Variants in KIAA0825 observed in about 807,000 individuals in gnomAD.
The protein encoded by KIAA0825 is uncharacterized protein KIAA0825.
In KIAA0825, 119 loss-of-function variants were observed where a neutral mutation model predicts 147.6. That is an observed-to-expected ratio of 0.81 (90% confidence interval 0.69 to 0.94). KIAA0825 has a LOEUF of 0.94. Ranked by LOEUF, KIAA0825 falls within the 40% of genes least tolerant of loss-of-function variation. The pLI, the probability that KIAA0825 is intolerant of heterozygous loss-of-function variation, is 0.00. For synonymous variants in KIAA0825, 470 were observed against 518.1 expected (o/e 0.91, Z 1.26); for missense variants, 1,381 against 1,472.7 (o/e 0.94, Z 1.02).
At chr5:94,369,791 A>C (rs1562426052) in intron 20 of KIAA0825, among the ~76,000 whole-genome samples, 1 of 152,192 alleles carries the variant, frequency 6.6e-6, no homozygotes, top group Non-Finnish European at 1.5e-5. Flanking sequence ...GGAAGAAGTC[A>C]CTAAGAGCAT....
chr5:94,216,073 T>G (rs1382512110), intron 20 of KIAA0825, among the ~76,000 whole-genome samples: 1 of 152,152 alleles, frequency 6.6e-6, no homozygotes, highest in African/African-American at 2.4e-5. Context: ...CTAGGGAAGA[T>G]AAGCCAACTC....
At chr5:94,154,180 C>G (rs1766817319) in intron 20 of KIAA0825, 56 bp from the exon 21 acceptor site, 6 of 1,062,138 alleles carry the variant, frequency 5.6e-6, no homozygotes, top group Non-Finnish European at 8.5e-6. Context: ...CAGGTCAACA[C>G]TCAGTTAATC....
intron 5 of KIAA0825, among the ~76,000 whole-genome samples, chr5:94,500,242 A>G (rs1764902952): frequency 6.6e-6 from 1 of 152,196 alleles, no homozygotes; most frequent in Non-Finnish European, 1.5e-5. Flanking sequence ...ATAGGGGAGT[A>G]AAGTGTACTT....
At chr5:94,365,761 C>G (rs1158408137) in intron 20 of KIAA0825, among the ~76,000 whole-genome samples, 1 of 152,224 alleles carries the variant, frequency 6.6e-6, no homozygotes. Context: ...AAACAACCCC[C>G]CTTCCTGCCT....
intron 20 of KIAA0825, among the ~76,000 whole-genome samples, chr5:94,209,643 C>T (rs748296501): frequency 6.6e-6 from 1 of 152,042 alleles, no homozygotes; most frequent in Admixed American, 6.6e-5. Flanking sequence ...CCTTTCTTTA[C>T]CTGTTTATAA....
chr5:94,363,072 T>G (rs1017256780), intron 20 of KIAA0825, among the ~76,000 whole-genome samples: 3 of 152,124 alleles, frequency 2.0e-5, no homozygotes, highest in African/African-American at 7.2e-5. Flanking sequence ...AAAGACATCA[T>G]GCTGATGAGA....
At chr5:94,336,796 C>T (rs987280140) in intron 20 of KIAA0825, among the ~76,000 whole-genome samples, 6 of 152,022 alleles carry the variant, frequency 3.9e-5, no homozygotes, top group African/African-American at 7.3e-5. Flanking sequence ...ATTGCTGGGC[C>T]AAATGGTATT....
intron 20 of KIAA0825, among the ~76,000 whole-genome samples, chr5:94,281,077 C>G (rs772173122): frequency 3.3e-5 from 5 of 151,948 alleles, no homozygotes; most frequent in Non-Finnish European, 7.4e-5. Flanking sequence ...TGTAAATTGA[C>G]TTAAAATACA....
intron 20 of KIAA0825, among the ~76,000 whole-genome samples, chr5:94,221,930 T>G (rs1773701544): frequency 6.6e-6 from 1 of 152,134 alleles, no homozygotes; most frequent in Non-Finnish European, 1.5e-5. Context: ...CAAGGCCCAT[T>G]TTTTTCTCAC....
At chr5:94,302,894 A>G (rs1778496070) in intron 20 of KIAA0825, among the ~76,000 whole-genome samples, 2 of 152,142 alleles carry the variant, frequency 1.3e-5, no homozygotes, top group African/African-American at 4.8e-5. Context: ...GTTATAAGTT[A>G]CAATTATTTT....
intron 20 of KIAA0825, among the ~76,000 whole-genome samples, chr5:94,289,777 C>T (rs891523521): frequency 3.9e-5 from 6 of 151,946 alleles, no homozygotes; most frequent in East Asian, 3.9e-4. Context: ...CAGTGACTCA[C>T]GTCTGCAATC....
At chr5:94,508,021 G>A (rs929964210) in intron 5 of KIAA0825, among the ~76,000 whole-genome samples, 4 of 152,040 alleles carry the variant, frequency 2.6e-5, no homozygotes, top group African/African-American at 7.2e-5. Context: ...TCTTGAAGAC[G>A]GTGAACTTAA....
At chr5:94,553,246 C>G (rs1469223695) in intron 2 of KIAA0825, among the ~76,000 whole-genome samples, 1 of 151,846 alleles carries the variant, frequency 6.6e-6, no homozygotes, top group African/African-American at 2.4e-5. Flanking sequence ...CAAGACCAGC[C>G]TAACCAACAT....
At chr5:94,592,813 C>G in intron 1 of KIAA0825, 1 of 458,492 alleles carries the variant, frequency 2.2e-6, no homozygotes, top group South Asian at 2.4e-5. Context: ...TACAAATATG[C>G]TTCGGCTAAG....
intron 20 of KIAA0825, among the ~76,000 whole-genome samples, chr5:94,251,346 C>T (rs1192629786): frequency 6.6e-6 from 1 of 152,114 alleles, no homozygotes; most frequent in African/African-American, 2.4e-5. Flanking sequence ...AAATACTATT[C>T]GTCTGAAGTT....
chr5:94,499,767 T>C (rs552168698), intron 5 of KIAA0825, among the ~76,000 whole-genome samples: 118 of 152,316 alleles, frequency 7.7e-4, no homozygotes, highest in African/African-American at 2.7e-3. Context: ...AAGATACTCA[T>C]TGAACTCCTG....
chr5:94,313,272 A>G (rs565046283), intron 20 of KIAA0825, among the ~76,000 whole-genome samples: 2 of 151,774 alleles, frequency 1.3e-5, no homozygotes, highest in Admixed American at 6.6e-5. Flanking sequence ...TTAGAGTCCA[A>G]TCCAACTGCT....
At chr5:94,400,427 T>C (rs1751224953) in intron 16 of KIAA0825, among the ~76,000 whole-genome samples, 1 of 152,126 alleles carries the variant, frequency 6.6e-6, no homozygotes, top group African/African-American at 2.4e-5. Context: ...TACAGCACTT[T>C]GTGTATTTCT....
intron 20 of KIAA0825, among the ~76,000 whole-genome samples, chr5:94,383,554 C>T (rs538100136): frequency 1.7e-4 from 26 of 152,070 alleles, no homozygotes; most frequent in South Asian, 4.2e-4. Flanking sequence ...AGCACACAGA[C>T]GACTCAAACA....
Sources: allele counts gnomAD v4.1 joint callset (sites outside exome capture counted in the v4.1 genomes callset), GRCh38; gene constraint gnomAD v4.1.1; transcripts MANE v1.5; gene names NCBI Gene and HGNC (gene_info 2026-07-23, HGNC 2026-07-21).